Variants in PDCL3 observed in about 807,000 individuals in gnomAD.
The protein encoded by PDCL3 is phosducin like 3.
In PDCL3, 22 loss-of-function variants were observed where a neutral mutation model predicts 26.5. The ratio of observed to expected loss-of-function variants is 0.83; its 90% CI spans 0.59 to 1.19. The LOEUF (loss-of-function observed/expected upper bound fraction) is 1.19. Ranked by LOEUF, PDCL3 falls within the 50% of genes most tolerant of loss-of-function variation. PDCL3 has a pLI of 0.00. For missense variants in PDCL3, 246 were observed against 294.1 expected (o/e 0.84, Z 1.20); for synonymous variants, 81 against 104.9 (o/e 0.77, Z 1.39).
Position 100,563,242 on chromosome 2 carries a change from T to C in PDCL3, c.6+169T>C, listed in dbSNP as rs1674986376. On this transcript the variant is annotated intron_variant, in intron 1 of 5. Transcript: ENST00000264254. ...GGCGCAGTGCGGGAGGCGGGCGTGG[T>C]CCCACCAGGACCCACGGCCTGGGCG... 7.6e-6 allele frequency: 6 copies of C among 790,392 alleles called. No individual in the cohort carries two copies. In the East Asian group the frequency reaches 1.6e-4, roughly 21 times the overall value. The allele number at this position is 790,392 out of a possible 1,614,324, so 49.0% of individuals were successfully genotyped here. A position where few individuals can be genotyped will look rare whatever the true frequency, so the allele number is the denominator to read the frequency against.
intron 1 of PDCL3, among the ~76,000 whole-genome samples, chr2:100,564,641 G>A (rs772452981): frequency 9.9e-5 from 15 of 152,172 alleles, no homozygotes; most frequent in African/African-American, 3.1e-4. Context: ...CAGGGTTGGG[G>A]TTGGAGACCG....
chr2:100,572,080 T>C (rs1048807656), intron 5 of PDCL3: 6 of 383,084 alleles, frequency 1.6e-5, no homozygotes, highest in African/African-American at 1.0e-4. Context: ...TTGGATGTTT[T>C]TGTAGCTTGA....
chr2:100,572,896 T>G (rs1675207298), intron 5 of PDCL3, among the ~76,000 whole-genome samples: 1 of 152,002 alleles, frequency 6.6e-6, no homozygotes, highest in African/African-American at 2.4e-5. Flanking sequence ...TGATTGTTTG[T>G]TTTTTTGAGA....
At chr2:100,565,299 G>T (rs186823609) in intron 1 of PDCL3, among the ~76,000 whole-genome samples, 1 of 120,916 alleles carries the variant, frequency 8.3e-6, no homozygotes, top group East Asian at 2.8e-4. Flanking sequence ...TTTTGAGACA[G>T]AGTCTAGCTC....
chr2:100,566,384 T>G (rs1675059492), intron 1 of PDCL3, 119 bp from the exon 2 acceptor site: 4 of 1,289,682 alleles, frequency 3.1e-6, no homozygotes, highest in Non-Finnish European at 4.3e-6. Context: ...TCAGAAATAG[T>G]TCACAGACTG....
intron 1 of PDCL3, among the ~76,000 whole-genome samples, chr2:100,566,144 C>G (rs1412841366): frequency 1.3e-5 from 2 of 152,078 alleles, no homozygotes; most frequent in African/African-American, 4.8e-5. Context: ...ACCTCGTGAT[C>G]CGCCTGCCTC....
intron 1 of PDCL3, 170 bp downstream of exon 1, chr2:100,563,243 C>G: frequency 4.4e-6 from 3 of 685,070 alleles, no homozygotes; most frequent in Non-Finnish European, 6.8e-6. Context: ...CGGGCGTGGT[C>G]CCACCAGGAC....
rs756506972 is a variant in PDCL3 at position 100,566,640 on chromosome 2, T to A, written c.133+11T>A. The A allele has an allele frequency of 6.2e-7, 1 of 1,613,618 alleles. No homozygotes were observed. The highest frequency in any genetic ancestry group is 8.5e-7 in the Non-Finnish European group (1 of 1,179,746). ...TCCAGCAGTCAGTGGGTGAGTTCAC[T>A]CGCTTTCCTCTGCACCTGTCTGGGT... On this transcript the variant is annotated intron_variant, in intron 2 of 5. Transcript: ENST00000264254.
chr2:100,571,396 C>T (rs1675166247), intron 4 of PDCL3, among the ~76,000 whole-genome samples, 194 bp from the exon 5 acceptor site: 1 of 152,124 alleles, frequency 6.6e-6, no homozygotes, highest in South Asian at 2.1e-4. Flanking sequence ...GCCGAGATCA[C>T]ACCACTTCAC....
In PDCL3 at chr2:100,566,482, ACCTTGGTCC is replaced by A. The variant is rs769838726; in HGVS notation, c.7-19_7-11del. The A allele has an allele frequency of 1.1e-5, 17 of 1,611,022 alleles. No individual in the cohort carries two copies. Among genetic ancestry groups the A allele is most frequent in the East Asian group, 6.7e-5 (3 of 44,880 alleles). On this transcript the variant is annotated splice_polypyrimidine_tract_variant and intron_variant, in intron 1 of 5. Transcript: ENST00000264254. ...CATACTAGACTTAGCACTCATGGTA[ACCTTGGTCC>A]CGCTCTTCTAGGACCCCAACGCAGA...
At chr2:100,574,816 A>G in intron 5 of PDCL3, among the ~76,000 whole-genome samples, 1 of 152,202 alleles carries the variant, frequency 6.6e-6, no homozygotes, top group Admixed American at 6.5e-5. Flanking sequence ...AATAAGTAAA[A>G]TTCAACTGAG....
Position 100,565,435 on chromosome 2 carries a change from C to T in PDCL3, c.7-1068C>T, listed in dbSNP as rs907744851. ...GACTACAGGCGCCCGCCACCACGCC[C>T]GGCTAATTTTTTGTGTTTTTAGTAA... On this transcript the variant is annotated intron_variant, in intron 1 of 5. Transcript: ENST00000264254. Among the ~76,000 whole-genome samples, 17 of 151,960 alleles carry T rather than the reference C, an allele frequency of 1.1e-4. 1 individual carries two copies. The highest frequency in any genetic ancestry group is 1.5e-5 in the Non-Finnish European group (1 of 67,986).
chr2:100,569,092 T>A, intron 3 of PDCL3, 71 bp downstream of exon 3: 2 of 1,379,094 alleles, frequency 1.5e-6, no homozygotes, highest in Non-Finnish European at 2.0e-6. Flanking sequence ...TTTTTTGGCG[T>A]GGCAATAAAA....
rs759512898 is a variant in PDCL3 at position 100,566,678 on chromosome 2, C to T, written c.133+49C>T. 11 of 1,603,612 alleles carry T rather than the reference C, an allele frequency of 6.9e-6. No individual in the cohort carries two copies. In the Admixed American group the frequency reaches 1.9e-4, roughly 27 times the overall value. ...CACCTGTCTGGGTTAGGAGATGGCT[C>T]CCTAAGCCTCTGACTGCCCTGCCAG... On this transcript the variant is annotated intron_variant, in intron 2 of 5. Transcript: ENST00000264254.
chr2:100,567,538 G>A (rs1187218518), intron 2 of PDCL3, among the ~76,000 whole-genome samples: 1 of 152,148 alleles, frequency 6.6e-6, no homozygotes, highest in African/African-American at 2.4e-5. Context: ...GCTGGCATTT[G>A]GGTAAAGACC....
At chr2:100,569,209 C>T (rs1472837644) in intron 3 of PDCL3, among the ~76,000 whole-genome samples, 188 bp downstream of exon 3, 2 of 151,710 alleles carry the variant, frequency 1.3e-5, no homozygotes, top group Non-Finnish European at 2.9e-5. Flanking sequence ...TGTGAAACCC[C>T]GTCTCTATAA....
At position 100,576,348 on chromosome 2, in the gene PDCL3, A is replaced by G. The variant is rs368151834; in HGVS notation, c.578-6A>G. The G allele has an allele frequency of 5.0e-6, 8 of 1,607,012 alleles. No individual in the cohort carries two copies. In the African/African-American group the frequency reaches 1.1e-4, roughly 21 times the overall value. On this transcript the variant is annotated splice_region_variant and splice_polypyrimidine_tract_variant and intron_variant, in intron 5 of 5. Transcript: ENST00000264254. ...TTAGGCAATTTGCTTTTTCTTTACC[A>G]TATAGAGTTGGAATGGAAACTGTCT...
intron 5 of PDCL3, 110 bp downstream of exon 5, chr2:100,571,908 C>T: frequency 1.5e-6 from 1 of 669,910 alleles, no homozygotes; most frequent in Non-Finnish European, 2.2e-6. Flanking sequence ...AAGTTCACTT[C>T]TGCCTGTGTA....
At chr2:100,570,065 G>A (rs1462068318) in intron 4 of PDCL3, among the ~76,000 whole-genome samples, 1 of 152,182 alleles carries the variant, frequency 6.6e-6, no homozygotes, top group African/African-American at 2.4e-5. Flanking sequence ...AGCCGAGATT[G>A]CGCCACTGCA....
Sources: gnomAD v4.1 joint callset for allele counts (sites outside exome capture counted in the v4.1 genomes callset) on GRCh38, gnomAD v4.1.1 for gene constraint, MANE v1.5 for transcripts, NCBI Gene and HGNC (gene_info 2026-07-23, HGNC 2026-07-21) for gene names.